The following AFG2A variants were observed in gnomAD, a reference collection of about 807,000 sequenced individuals.
AFG2A encodes the protein AAA ATPase AFG2A, also known as ATPase family gene 2 protein homolog A.
the AFG2A span, among the ~76,000 whole-genome samples, chr4:123,205,972 C>A: frequency 1.3e-5 from 2 of 152,096 alleles, no homozygotes; most frequent in African/African-American, 4.8e-5. Context: ...CCCATTCCCC[C>A]AAATCCCCAA....
At chr4:123,215,532 T>TATC in the AFG2A span, among the ~76,000 whole-genome samples, 3 of 152,118 alleles carry the variant, frequency 2.0e-5, no homozygotes, top group African/African-American at 7.2e-5. Flanking sequence ...TCTTTGCCAT[T>TATC]ATCATCAGTA....
the AFG2A span, among the ~76,000 whole-genome samples, chr4:123,011,972 G>A: frequency 6.7e-6 from 1 of 149,972 alleles, no homozygotes; most frequent in East Asian, 2.0e-4. Flanking sequence ...GAAGGGGTGG[G>A]GGTTGCTTGC....
the AFG2A span, among the ~76,000 whole-genome samples, chr4:122,938,973 A>G: frequency 6.6e-6 from 1 of 152,000 alleles, no homozygotes; most frequent in South Asian, 2.1e-4. Context: ...GCTTTGTACT[A>G]GGGAAATGAA....
the AFG2A span, among the ~76,000 whole-genome samples, chr4:123,120,986 C>T: frequency 6.6e-6 from 1 of 152,098 alleles, no homozygotes; most frequent in Non-Finnish European, 1.5e-5. Flanking sequence ...CAGCTTCATG[C>T]ATATTATTGC....
the AFG2A span, among the ~76,000 whole-genome samples, chr4:122,954,780 C>T: frequency 6.6e-6 from 1 of 152,362 alleles, no homozygotes; most frequent in East Asian, 1.9e-4. Context: ...GAATGGCCAG[C>T]CATTGTGGCT....
the AFG2A span, chr4:123,090,598 G>A: frequency 1.5e-5 from 24 of 1,614,022 alleles, no homozygotes; most frequent in Non-Finnish European, 2.0e-5. Flanking sequence ...TGCTGGGAAT[G>A]TAGCCGATCG....
chr4:122,959,479 G>C, the AFG2A span, among the ~76,000 whole-genome samples: 7 of 152,184 alleles, frequency 4.6e-5, no homozygotes, highest in African/African-American at 1.7e-4. Flanking sequence ...AGTTAAGATT[G>C]TGGACCTGCA....
chr4:123,180,987 T>TA, the AFG2A span, among the ~76,000 whole-genome samples: 1 of 149,226 alleles, frequency 6.7e-6, no homozygotes, highest in Non-Finnish European at 1.5e-5. Context: ...TCTTTTTTTT[T>TA]TTTTTTTTTT....
the AFG2A span, among the ~76,000 whole-genome samples, chr4:123,018,081 TAC>T: frequency 6.6e-6 from 1 of 152,206 alleles, no homozygotes; most frequent in Non-Finnish European, 1.5e-5. Context: ...TCTATGGGTG[TAC>T]AGTTTGAATT....
the AFG2A span, among the ~76,000 whole-genome samples, chr4:123,051,326 CT>C: frequency 9.5e-4 from 145 of 151,842 alleles, no homozygotes; most frequent in Non-Finnish European, 1.4e-3. Context: ...TTATTTCAAA[CT>C]GGTACCAACT....
chr4:123,077,036 T>TC, the AFG2A span, among the ~76,000 whole-genome samples: 1 of 135,710 alleles, frequency 7.4e-6, no homozygotes, highest in African/African-American at 2.6e-5. Context: ...AATTTTTTTT[T>TC]CCTGTTGTTG....
At chr4:123,191,361 CTTTT>C in the AFG2A span, among the ~76,000 whole-genome samples, 1 of 142,856 alleles carries the variant, frequency 7.0e-6, no homozygotes. Context: ...ACTCTGGACT[CTTTT>C]TTTTTTTTTG....
the AFG2A span, chr4:123,028,476 C>T: frequency 5.5e-5 from 61 of 1,105,712 alleles, no homozygotes; most frequent in East Asian, 7.8e-4. Flanking sequence ...TTTAGGAGAA[C>T]GAATAAAGGC....
chr4:123,109,504 T>G, the AFG2A span, among the ~76,000 whole-genome samples: 1 of 152,158 alleles, frequency 6.6e-6, no homozygotes, highest in Non-Finnish European at 1.5e-5. Flanking sequence ...TATTAGTAAT[T>G]GTTAGAACTA....
At chr4:123,099,091 T>C in the AFG2A span, among the ~76,000 whole-genome samples, 1 of 152,148 alleles carries the variant, frequency 6.6e-6, no homozygotes, top group South Asian at 2.1e-4. Context: ...GTGGTTTTCA[T>C]TGGCATTTCT....
the AFG2A span, among the ~76,000 whole-genome samples, chr4:122,936,922 G>A: frequency 6.6e-6 from 1 of 152,208 alleles, no homozygotes; most frequent in African/African-American, 2.4e-5. Context: ...GGAGGTTGCA[G>A]TCAGTTGAGA....
the AFG2A span, among the ~76,000 whole-genome samples, chr4:122,937,358 G>A: frequency 6.6e-6 from 1 of 151,992 alleles, no homozygotes; most frequent in Non-Finnish European, 1.5e-5. Flanking sequence ...GCTAATTTTT[G>A]TATTTTTTTT....
At chr4:123,185,345 A>G in the AFG2A span, among the ~76,000 whole-genome samples, 2 of 152,062 alleles carry the variant, frequency 1.3e-5, no homozygotes, top group Non-Finnish European at 2.9e-5. Flanking sequence ...AAAAGTCATA[A>G]TAACTGTTAC....
the AFG2A span, among the ~76,000 whole-genome samples, chr4:123,013,836 A>G: frequency 6.6e-5 from 10 of 152,364 alleles, no homozygotes; most frequent in African/African-American, 9.6e-5. Flanking sequence ...AGCACCAAAC[A>G]TATGTAATAT....
Sources: gnomAD v4.1 joint callset for allele counts (sites outside exome capture counted in the v4.1 genomes callset) on GRCh38, gnomAD v4.1.1 for gene constraint, MANE v1.5 for transcripts, NCBI Gene and HGNC (gene_info 2026-07-23, HGNC 2026-07-21) for gene names.